The following GLRA3 variants were observed in gnomAD, a reference collection of about 807,000 sequenced individuals.
GLRA3 encodes the protein glycine receptor subunit alpha-3.
In GLRA3, 44 loss-of-function variants were observed where a neutral mutation model predicts 60.4. That is an observed-to-expected ratio of 0.73 (90% CI 0.57 to 0.94). GLRA3 has a LOEUF of 0.94. Ranked by LOEUF, GLRA3 falls within the 40% of genes least tolerant of loss-of-function variation. GLRA3 has a pLI of 0.00. For missense variants in GLRA3, 508 were observed against 564.6 expected, an observed-to-expected ratio of 0.90 and a Z score of 1.02; for synonymous variants, 223 against 192.9, an observed-to-expected ratio of 1.16 and a Z score of -1.29.
intron 3 of GLRA3, among the ~76,000 whole-genome samples, chr4:174,764,207 A>T (rs1014823391): frequency 6.6e-6 from 1 of 151,748 alleles, no homozygotes; most frequent in Admixed American, 6.6e-5. Context: ...AGTGGCCTAA[A>T]AAGTAGACTA....
intron 3 of GLRA3, among the ~76,000 whole-genome samples, chr4:174,752,259 CAA>C (rs1385392918): frequency 6.6e-6 from 1 of 152,046 alleles, no homozygotes; most frequent in Admixed American, 6.6e-5. Flanking sequence ...CAGAAAAACA[CAA>C]GAGAAGCTGA....
At chr4:174,722,511 G>A (rs145569189) in intron 4 of GLRA3, 1 of 150,234 alleles carries the variant, frequency 6.7e-6, no homozygotes, top group Non-Finnish European at 1.5e-5. Context: ...CACTATCTCT[G>A]TCTAAGTCAG....
intron 1 of GLRA3, among the ~76,000 whole-genome samples, chr4:174,828,171 C>T (rs1168982965): frequency 2.0e-5 from 3 of 152,078 alleles, no homozygotes; most frequent in Non-Finnish European, 2.9e-5. Flanking sequence ...TTATTCCTGA[C>T]ATAGAACATA....
intron 4 of GLRA3, among the ~76,000 whole-genome samples, chr4:174,721,228 C>T (rs913596965): frequency 3.9e-5 from 6 of 152,118 alleles, no homozygotes; most frequent in African/African-American, 1.2e-4. Flanking sequence ...GGGGTTTCAC[C>T]GTGTTGGCTA....
At chr4:174,654,201 G>T (rs1315431436) in intron 9 of GLRA3, among the ~76,000 whole-genome samples, 1 of 152,140 alleles carries the variant, frequency 6.6e-6, no homozygotes, top group Admixed American at 6.6e-5. Flanking sequence ...TTTCAACCGT[G>T]AATCCTTCTC....
intron 7 of GLRA3, among the ~76,000 whole-genome samples, chr4:174,667,940 G>T (rs1733743517): frequency 6.6e-6 from 1 of 152,134 alleles, no homozygotes; most frequent in Non-Finnish European, 1.5e-5. Context: ...AATACCTGGT[G>T]TTGGAGGTGG....
Position 174,809,829 on chromosome 4 carries a change from T to A in GLRA3, c.71+18912A>T, listed in dbSNP as rs17060911. On this transcript the variant is annotated intron_variant, in intron 1 of 9. Transcript: ENST00000274093. ...GGACTAAAGAATGCTATGAACAGCA[T>A]TAGAGTGCTATCCTCACCATTTGAT... 7.2e-3 allele frequency among the ~76,000 whole-genome samples: 1,094 copies of A among 152,246 alleles called. 14 individuals carry two copies. Among genetic ancestry groups the A allele is most frequent in the African/African-American group, 0.025 (1,057 of 41,560 alleles).
At chr4:174,717,494 A>C (rs1371405777) in intron 4 of GLRA3, among the ~76,000 whole-genome samples, 2 of 152,248 alleles carry the variant, frequency 1.3e-5, no homozygotes, top group Non-Finnish European at 2.9e-5. Flanking sequence ...GACCATAGAC[A>C]TAAAGTTAGA....
chr4:174,680,971 A>G (rs1049345556), intron 6 of GLRA3, among the ~76,000 whole-genome samples: 5 of 152,180 alleles, frequency 3.3e-5, no homozygotes, highest in African/African-American at 1.2e-4. Context: ...TGTAAAAGCA[A>G]ATATGAAATG....
chr4:174,717,636 G>A (rs998801519), intron 4 of GLRA3, among the ~76,000 whole-genome samples: 3 of 152,228 alleles, frequency 2.0e-5, no homozygotes, highest in South Asian at 2.1e-4. Context: ...TAATTCATTC[G>A]AGTCAGAGTC....
intron 3 of GLRA3, among the ~76,000 whole-genome samples, chr4:174,751,458 C>T (rs549367480): frequency 6.6e-6 from 1 of 152,120 alleles, no homozygotes; most frequent in African/African-American, 2.4e-5. Flanking sequence ...ATAATTAGTA[C>T]ACGTGTTTGT....
chr4:174,681,293 T>A (rs763797490), intron 6 of GLRA3, among the ~76,000 whole-genome samples: 5 of 152,214 alleles, frequency 3.3e-5, no homozygotes, highest in Non-Finnish European at 5.9e-5. Flanking sequence ...CCCTAATTGA[T>A]GTTTATAACT....
intron 1 of GLRA3, among the ~76,000 whole-genome samples, chr4:174,825,789 A>G (rs925584343): frequency 2.6e-5 from 4 of 152,094 alleles, no homozygotes; most frequent in African/African-American, 9.7e-5. Context: ...TTTTGCCTTA[A>G]TAATGCTTAT....
intron 5 of GLRA3, among the ~76,000 whole-genome samples, chr4:174,708,852 G>T (rs1735610211): frequency 6.9e-6 from 1 of 145,800 alleles, no homozygotes. Flanking sequence ...AAAACAGTTA[G>T]GAATTTTCCT....
Position 174,682,953 on chromosome 4 carries a change from A to G in GLRA3, c.575-14T>C, listed in dbSNP as rs562774207. 3.5e-5 allele frequency: 56 copies of G among 1,602,664 alleles called. No homozygotes were observed. The highest frequency in any genetic ancestry group is 4.6e-5 in the Non-Finnish European group (54 of 1,171,286). Reference sequence around the variant, plus strand: ...TTGTGTACCCAACTAGGCAAAACATAATAAAAATATGAATAGTCTAAAAAG... The same window carrying G: ...TTGTGTACCCAACTAGGCAAAACATGATAAAAATATGAATAGTCTAAAAAG... On this transcript the variant is annotated splice_polypyrimidine_tract_variant and intron_variant, in intron 5 of 9. Coordinates refer to ENST00000274093, the MANE Select transcript of GLRA3 (RefSeq NM_006529.4).
chr4:174,752,576 TCA>T (rs147841500), intron 3 of GLRA3, among the ~76,000 whole-genome samples: 2,390 of 152,166 alleles, frequency 0.016, 64 homozygotes, highest in African/African-American at 0.053. Context: ...GAGTAATTCT[TCA>T]CTATTCCGAA....
At chr4:174,740,918 T>C (rs1442603573) in intron 3 of GLRA3, among the ~76,000 whole-genome samples, 1 of 152,240 alleles carries the variant, frequency 6.6e-6, no homozygotes, top group African/African-American at 2.4e-5. Context: ...TATCAGTTTA[T>C]TCCTCCTAAT....
intron 1 of GLRA3, among the ~76,000 whole-genome samples, chr4:174,789,158 G>C (rs1002928530): frequency 1.3e-5 from 2 of 152,038 alleles, no homozygotes; most frequent in African/African-American, 4.8e-5. Flanking sequence ...AATTGTCAGA[G>C]GTGGCATTCT....
intron 3 of GLRA3, among the ~76,000 whole-genome samples, chr4:174,756,366 A>T (rs1298235122): frequency 6.6e-6 from 1 of 152,206 alleles, no homozygotes; most frequent in East Asian, 1.9e-4. Flanking sequence ...AATATTAGAA[A>T]TTTAAATCTA....
Sources: gnomAD v4.1 joint callset for allele counts (sites outside exome capture counted in the v4.1 genomes callset) on GRCh38, gnomAD v4.1.1 for gene constraint, MANE v1.5 for transcripts, NCBI Gene and HGNC (gene_info 2026-07-23, HGNC 2026-07-21) for gene names.